The following PARP8 variants were observed in gnomAD, a reference collection of about 807,000 sequenced individuals.
PARP8 encodes protein mono-ADP-ribosyltransferase PARP8.
PARP8 carries 51 observed loss-of-function variants against 124.1 expected under a neutral mutation model. That is an observed-to-expected ratio of 0.41 (90% CI 0.33 to 0.52). The LOEUF is 0.52. Among genes scored for constraint, PARP8 ranks in the 20% least tolerant of loss-of-function variants. The pLI is 0.21. For missense variants in PARP8, 860 were observed against 1,018.9 expected, an observed-to-expected ratio of 0.84 and a Z score of 2.12; for synonymous variants, 391 against 361.5, an observed-to-expected ratio of 1.08 and a Z score of -0.93.
At chr5:50,825,667 G>A (rs974267416) in intron 18 of PARP8, among the ~76,000 whole-genome samples, 4 of 152,060 alleles carry the variant, frequency 2.6e-5, no homozygotes, top group Admixed American at 2.6e-4. Context: ...CCTTATAAGG[G>A]TTTTATACAC....
At position 50,834,926 on chromosome 5, in the gene PARP8, A is replaced by C; in HGVS notation, c.2378-5A>C. 6.2e-7 allele frequency: 1 copy of C among 1,611,186 alleles called. No individual in the cohort carries two copies. Among genetic ancestry groups the C allele is most frequent in the Non-Finnish European group, 8.5e-7 (1 of 1,177,670 alleles). On this transcript the variant is annotated splice_polypyrimidine_tract_variant and splice_region_variant and intron_variant, in intron 24 of 25. Coordinates refer to ENST00000281631, the MANE Select transcript of PARP8 (RefSeq NM_024615.4). Reference sequence around the variant, plus strand: ...GGTTCTTTAATTTTATTTTCCACTTAACAGTGATCACCTCATCTGACCTGC... The same window carrying C: ...GGTTCTTTAATTTTATTTTCCACTTCACAGTGATCACCTCATCTGACCTGC...
At chr5:50,680,971 A>G (rs1056126911) in intron 2 of PARP8, among the ~76,000 whole-genome samples, 1 of 152,136 alleles carries the variant, frequency 6.6e-6, no homozygotes, top group African/African-American at 2.4e-5. Flanking sequence ...GTGTGTTAGA[A>G]ATTTTGCAAG....
Position 50,815,614 on chromosome 5 carries a change from G to GA in PARP8, c.1668+94dup, listed in dbSNP as rs1252661954. The GA allele has an allele frequency of 1.4e-5, 12 of 865,700 alleles. No individual in the cohort carries two copies. In the African/African-American group the frequency reaches 2.0e-4, roughly 14 times the overall value. 53.6% of individuals were successfully genotyped at this position (865,700 alleles called of 1,614,324 possible). A position where few individuals can be genotyped will look rare whatever the true frequency, so the allele number is the denominator to read the frequency against. The stretch of plus-strand genomic sequence containing the variant: ...TATCTTCATTCTGCTATTCTTTGGG[G>GA]AAAATATTTGATAACTTCTAGTTAA... On this transcript the variant is annotated intron_variant, in intron 15 of 25. Coordinates refer to ENST00000281631, the MANE Select transcript of PARP8 (RefSeq NM_024615.4).
At chr5:50,666,581 C>CGCTGCAGCAGCCTGGGCACG (rs1749301398), upstream of PARP8, 2 of 149,186 alleles carry the variant, frequency 1.3e-5, no homozygotes, top group Admixed American at 1.3e-4. Flanking sequence ...GGGCGGGCGG[C>CGCTGCAGCAGCCTGGGCACG]GCTGCAGCAG....
chr5:50,698,364 C>A (rs543497911), intron 2 of PARP8, among the ~76,000 whole-genome samples: 2 of 152,240 alleles, frequency 1.3e-5, no homozygotes, highest in South Asian at 4.2e-4. Context: ...GTTTTCAGGG[C>A]TACCTGAGAA....
chr5:50,674,333 A>G (rs931955675), intron 2 of PARP8, among the ~76,000 whole-genome samples: 16 of 152,176 alleles, frequency 1.1e-4, no homozygotes, highest in African/African-American at 3.9e-4. Flanking sequence ...TTTCACCTCA[A>G]GTCTTCCTCT....
chr5:50,669,885 CCT>C (rs1371392032), intron 2 of PARP8, among the ~76,000 whole-genome samples: 1 of 152,160 alleles, frequency 6.6e-6, no homozygotes, highest in African/African-American at 2.4e-5. Flanking sequence ...CACAAGTGTA[CCT>C]GAGCCTTTTA....
intron 2 of PARP8, among the ~76,000 whole-genome samples, chr5:50,747,150 G>GT (rs1561320439): frequency 0.019 from 714 of 38,036 alleles, 1 homozygote; most frequent in East Asian, 0.031. Flanking sequence ...GGTTTTTTTT[G>GT]TTTGTTTGTT....
intron 2 of PARP8, among the ~76,000 whole-genome samples, chr5:50,689,623 T>C (rs1752274715): frequency 6.6e-6 from 1 of 152,154 alleles, no homozygotes; most frequent in African/African-American, 2.4e-5. Context: ...ACTGTAAGGG[T>C]TGCAGTGAAG....
At chr5:50,823,922 A>C (rs1286557081) in intron 17 of PARP8, among the ~76,000 whole-genome samples, 5 of 152,242 alleles carry the variant, frequency 3.3e-5, no homozygotes, top group African/African-American at 4.8e-5. Flanking sequence ...AGGTGGAAGT[A>C]GTAATGCTGC....
intron 2 of PARP8, among the ~76,000 whole-genome samples, chr5:50,682,073 C>T (rs755831089): frequency 1.3e-5 from 2 of 152,070 alleles, no homozygotes; most frequent in African/African-American, 2.4e-5. Context: ...CTTTGACTTA[C>T]AGGTTTGGCT....
In PARP8 at chr5:50,828,052, T is replaced by C. The variant is rs549262513; in HGVS notation, c.2086T>C (p.Phe696Leu). The C allele has an allele frequency of 6.3e-7, 1 of 1,592,496 alleles. No individual in the cohort carries two copies. Among genetic ancestry groups the C allele is most frequent in the Admixed American group, 1.7e-5 (1 of 59,912 alleles). The change falls in exon 20 of 26, where the codon TTT becomes CTT. Residue 696 changes from phenylalanine (F) to leucine (L), a missense_variant. This residue lies in a region of PARP8 where 343 missense variants were observed against 474.7 expected (regional missense o/e 0.72). Coordinates refer to ENST00000281631, the MANE Select transcript of PARP8 (RefSeq NM_024615.4). ...AAAACTCTTTGGAAGCACCTTTGCA[T>C]TTCAGTGAGTAAGGCTTAATGTTAA... ...AKKLFGSTFAFHGSHIENWHS... is the reference protein window; with the variant it reads ...AKKLFGSTFALHGSHIENWHS...
In PARP8 at chr5:50,825,677, CAT is replaced by C. The variant is rs954213094; in HGVS notation, c.1928+703_1928+704del. On this transcript the variant is annotated intron_variant, in intron 18 of 25. Coordinates refer to ENST00000281631, the MANE Select transcript of PARP8 (RefSeq NM_024615.4). ...ACATCCCTTATAAGGGTTTTATACACATGTCTCTTTGAATTAACTTTGAAAAC... is the reference window on the plus strand; with the variant it reads ...ACATCCCTTATAAGGGTTTTATACACGTCTCTTTGAATTAACTTTGAAAAC... 9.0e-4 allele frequency among the ~76,000 whole-genome samples: 137 copies of C among 152,250 alleles called. 1 individual carries two copies. Among genetic ancestry groups the C allele is most frequent in the African/African-American group, 2.9e-3 (121 of 41,548 alleles).
At chr5:50,779,660 A>G (rs970317752) in intron 9 of PARP8, among the ~76,000 whole-genome samples, 11 of 152,350 alleles carry the variant, frequency 7.2e-5, no homozygotes, top group African/African-American at 2.6e-4. Flanking sequence ...GCAGTTGAAG[A>G]GCCCACCCAG....
chr5:50,774,092 T>C (rs1260888592), intron 7 of PARP8, among the ~76,000 whole-genome samples: 1 of 152,198 alleles, frequency 6.6e-6, no homozygotes, highest in Non-Finnish European at 1.5e-5. Flanking sequence ...CATCTTGCAC[T>C]GCCCTTAATG....
At chr5:50,811,954 T>A (rs1744505010) in intron 14 of PARP8, among the ~76,000 whole-genome samples, 1 of 152,212 alleles carries the variant, frequency 6.6e-6, no homozygotes, top group African/African-American at 2.4e-5. Context: ...TTCCATGGTG[T>A]ATATGTGTCA....
At chr5:50,826,018 A>G (rs1477228504) in intron 18 of PARP8, among the ~76,000 whole-genome samples, 4 of 152,094 alleles carry the variant, frequency 2.6e-5, no homozygotes, top group Non-Finnish European at 4.4e-5. Context: ...CTAAATTTCC[A>G]TTGTAACCTT....
At chr5:50,800,026 G>A (rs1743024970) in intron 14 of PARP8, among the ~76,000 whole-genome samples, 1 of 152,184 alleles carries the variant, frequency 6.6e-6, no homozygotes, top group South Asian at 2.1e-4. Context: ...AGCCGGAATA[G>A]ACCAAGACAT....
intron 22 of PARP8, 32 bp from the exon 23 acceptor site, chr5:50,832,749 T>C (rs752099222): frequency 4.4e-6 from 7 of 1,608,284 alleles, no homozygotes; most frequent in African/African-American, 1.3e-5. Context: ...GACAGCTTTG[T>C]CCCTAAATTA....
Sources: allele counts gnomAD v4.1 joint callset (sites outside exome capture counted in the v4.1 genomes callset), GRCh38; gene constraint gnomAD v4.1.1; regional missense constraint gnomAD v4.1.1; transcripts MANE v1.5; gene names NCBI Gene and HGNC (gene_info 2026-07-23, HGNC 2026-07-21).